Variants in UNC45A observed in about 807,000 individuals in gnomAD.
UNC45A encodes the protein protein unc-45 homolog A.
Under a neutral mutation model 103.2 loss-of-function variants are expected in UNC45A, and 78 were observed. The ratio of observed to expected loss-of-function variants is 0.76; its 90% CI spans 0.63 to 0.91. The LOEUF (loss-of-function observed/expected upper bound fraction) is 0.91. Ranked by LOEUF, UNC45A falls within the 40% of genes least tolerant of loss-of-function variation. The probability of loss-of-function intolerance (pLI) is 0.00; values close to 1 mark genes in which losing one functional copy is unlikely to be tolerated. For synonymous variants in UNC45A, 495 were observed against 504.6 expected (o/e 0.98, Z 0.25); for missense variants, 1,193 against 1,224.8 (o/e 0.97, Z 0.39).
Position 90,949,332 on chromosome 15 carries a change from T to A in UNC45A, c.1895T>A (p.Val632Glu). ...EQHPKDKPSF[V>E]RARVKKLLAA... ...CTCCCCCAGGACAAGCCAAGCTTCG[T>A]GCGGGCTCGGGTGAAGAAGCTGCTG... The change falls in exon 14 of 20, where the codon GTG (valine) becomes GAG (glutamate). Residue 632 changes from valine to glutamate, a missense_variant. Val to Glu is a moderately radical substitution (Grantham distance 121). Transcript: ENST00000418476. 1 of 1,612,704 alleles carries A rather than the reference T, an allele frequency of 6.2e-7. No individual in the cohort carries two copies. Among genetic ancestry groups the A allele is most frequent in the Non-Finnish European group, 8.5e-7 (1 of 1,179,968 alleles).
intron 15 of UNC45A, 90 bp from the exon 16 acceptor site, chr15:90,950,064 G>A (rs146235981): frequency 4.8e-6 from 6 of 1,252,074 alleles, no homozygotes; most frequent in Non-Finnish European, 6.7e-6. Context: ...AGGGAGGAAG[G>A]TGAGGGTGGC....
At chr15:90,946,401 A>G (rs1170817991) in intron 9 of UNC45A, among the ~76,000 whole-genome samples, 1 of 152,224 alleles carries the variant, frequency 6.6e-6, no homozygotes, top group Non-Finnish European at 1.5e-5. Flanking sequence ...AGTAACCTGT[A>G]TTAGATACTA....
At position 90,942,490 on chromosome 15, in the gene UNC45A, C is replaced by T. The variant is rs768395749; in HGVS notation, c.741C>T (p.Gly247=). 6.5e-5 allele frequency: 105 copies of T among 1,613,998 alleles called. No individual in the cohort carries two copies. Among genetic ancestry groups the T allele is most frequent in the Admixed American group, 2.8e-4 (17 of 60,006 alleles). The change falls in exon 7 of 20, where the codon GGC becomes GGT. Residue 247 remains glycine, a synonymous_variant. Transcript: ENST00000418476. ...CTCGGCGAGTAGTCTCCATCCTGGG[C>T]GTGGAAAGCCAGGCTGTGTCCCTGG... ...LGTRRVVSIL[G]VESQAVSLAA... is the part of the protein sequence containing the mutation.
At chr15:90,936,122 T>C (rs2036004084) in intron 3 of UNC45A, 140 bp downstream of exon 3, 4 of 1,509,484 alleles carry the variant, frequency 2.6e-6, no homozygotes, top group Admixed American at 2.4e-5. Context: ...GCCTCGGGCC[T>C]TTCCTTTTCT....
rs2036677037 is a variant in UNC45A at position 90,948,161 on chromosome 15, A to G, written c.1615A>G (p.Ile539Val). 1 of 1,614,070 alleles carries G rather than the reference A, an allele frequency of 6.2e-7. No homozygotes were observed. The highest frequency in any genetic ancestry group is 8.5e-7 in the Non-Finnish European group (1 of 1,180,028). The change falls in exon 12 of 20, where the codon ATC becomes GTC. Residue 539 changes from isoleucine (I) to valine (V), a missense_variant. Transcript: ENST00000418476. ...QCRKWLCNDQ[I>V]DAGTRRWAVE... ...CCCCAGGTGGCTGTGCAATGACCAGATCGACGCAGGCACTCGGCGCTGGGC... is the reference window on the plus strand; with the variant it reads ...CCCCAGGTGGCTGTGCAATGACCAGGTCGACGCAGGCACTCGGCGCTGGGC...
In UNC45A at chr15:90,950,283, C is replaced by T. The variant is rs1407169480; in HGVS notation, c.2187+16C>T. ...TGGCGAGCGGGTACGTGTCTTCCTG[C>T]CCCGGCCTTTCCACTCCCTCTGTCC... On this transcript the variant is annotated intron_variant, in intron 16 of 19. Transcript: ENST00000418476. 7 of 1,551,078 alleles carry T rather than the reference C, an allele frequency of 4.5e-6. No individual in the cohort carries two copies. The highest frequency in any genetic ancestry group is 1.4e-5 in the African/African-American group (1 of 73,052).
chr15:90,950,114 C>G (rs768316732), intron 15 of UNC45A, 40 bp from the exon 16 acceptor site: 5 of 1,542,082 alleles, frequency 3.2e-6, no homozygotes, highest in Non-Finnish European at 4.4e-6. Flanking sequence ...GGGTCTTACT[C>G]CCAGGGATGT....
chr15:90,934,820 GAC>G, upstream of UNC45A: 1 of 410,094 alleles, frequency 2.4e-6, no homozygotes, highest in Non-Finnish European at 4.3e-6. Flanking sequence ...TATGTAAGAC[GAC>G]ACTTATTTGG....
Position 90,936,320 on chromosome 15 carries a change from T to C in UNC45A, c.286T>C (p.Tyr96His), listed in dbSNP as rs1727930093. 2 of 1,613,930 alleles carry C rather than the reference T, an allele frequency of 1.2e-6. No homozygotes were observed. Among genetic ancestry groups the C allele is most frequent in the Admixed American group, 1.7e-5 (1 of 59,976 alleles). Residue 96 changes from tyrosine (Y) to histidine (H), a missense_variant, in exon 4 of 20, where the codon TAC (tyrosine) becomes CAC (histidine). Coordinates refer to ENST00000418476, the MANE Select transcript of UNC45A (RefSeq NM_018671.5). ...GGATGGTGGGGATGTCAAAGCACTCTACCGGCGGAGCCAAGCCCTAGAGAA... is the reference window on the plus strand; with the variant it reads ...GGATGGTGGGGATGTCAAAGCACTCCACCGGCGGAGCCAAGCCCTAGAGAA... ...EKDGGDVKAL[Y>H]RRSQALEKLG...
At chr15:90,949,134 C>T (rs939616818) in intron 13 of UNC45A, among the ~76,000 whole-genome samples, 182 bp from the exon 14 acceptor site, 2 of 152,144 alleles carry the variant, frequency 1.3e-5, no homozygotes, top group African/African-American at 4.8e-5. Context: ...CCTCAGCCTC[C>T]CAAAGTGCTG....
At chr15:90,931,500 T>G, upstream of UNC45A, 1 of 1,614,160 alleles carries the variant, frequency 6.2e-7, no homozygotes, top group Non-Finnish European at 8.5e-7. Flanking sequence ...GGCCATGAGT[T>G]CCTGATGGAA....
intron 11 of UNC45A, 65 bp downstream of exon 11, chr15:90,947,955 G>A (rs774400241): frequency 6.7e-7 from 1 of 1,498,226 alleles, no homozygotes; most frequent in Non-Finnish European, 9.0e-7. Context: ...CAGGGGTCTG[G>A]GTGGGGGTTG....
upstream of UNC45A, chr15:90,932,454 C>T (rs776611117): frequency 1.5e-6 from 2 of 1,352,738 alleles, no homozygotes; most frequent in Non-Finnish European, 1.9e-6. Flanking sequence ...TGTAGGGGGT[C>T]CCCTCGGGGT....
In UNC45A at chr15:90,939,870, C is replaced by T. The variant is rs771171121; in HGVS notation, c.519+47C>T. ...AGTGAGTGAGCTCCCACTAGAGCCA[C>T]CCATCCATAGGCCCCCGAAGCCACT... On this transcript the variant is annotated intron_variant, in intron 5 of 19. Transcript: ENST00000418476. 3.2e-6 allele frequency: 5 copies of T among 1,579,990 alleles called. No individual in the cohort carries two copies. In the South Asian group the frequency reaches 5.6e-5, roughly 18 times the overall value.
At position 90,948,735 on chromosome 15, in the gene UNC45A, C is replaced by T; in HGVS notation, c.1819C>T (p.Pro607Ser). The T allele has an allele frequency of 1.2e-6, 2 of 1,613,900 alleles. No homozygotes were observed. Among genetic ancestry groups the T allele is most frequent in the Non-Finnish European group, 1.7e-6 (2 of 1,179,982 alleles). The change falls in exon 13 of 20, where the codon CCC becomes TCC. Residue 607 changes from proline to serine, a missense_variant. Physicochemically the swap from Pro to Ser is moderately conservative, Grantham distance 74 (BLOSUM62 -1). Transcript: ENST00000418476. ...CAGCTATGACTACGAGGAGCCCGAC[C>T]CCAAGATGGTGGAGCTGGCCAAGTA... ...TNSYDYEEPD[P>S]KMVELAKYAK...
At chr15:90,934,041 A>G (rs1459861829), upstream of UNC45A, 2 of 398,892 alleles carry the variant, frequency 5.0e-6, no homozygotes, top group African/African-American at 2.1e-5. Flanking sequence ...GTGAACTCTC[A>G]TGGGCATCCA....
At chr15:90,935,072 C>G (rs905306843), upstream of UNC45A, 21 of 580,234 alleles carry the variant, frequency 3.6e-5, no homozygotes, top group Admixed American at 1.3e-4. Flanking sequence ...AGGCCTCCCT[C>G]TGGGTCCTCC....
chr15:90,932,894 G>A (rs2151349921), upstream of UNC45A: 1 of 230,922 alleles, frequency 4.3e-6, no homozygotes, highest in East Asian at 8.5e-5. Flanking sequence ...GGGGACTATG[G>A]GAGCGGGAAG....
intron 17 of UNC45A, chr15:90,952,721 G>C (rs147348406): frequency 4.8e-5 from 27 of 564,318 alleles, no homozygotes; most frequent in Middle Eastern, 4.7e-4. Flanking sequence ...CTCCACGCCC[G>C]GCCGAGATGC....
Sources: allele counts gnomAD v4.1 joint callset (sites outside exome capture counted in the v4.1 genomes callset), GRCh38; gene constraint gnomAD v4.1.1; transcripts MANE v1.5; gene names NCBI Gene and HGNC (gene_info 2026-07-23, HGNC 2026-07-21).